KCNC3: variants seen among roughly 807,000 people sequenced by gnomAD.
KCNC3 encodes the protein potassium voltage-gated channel subfamily C member 3.
KCNC3 carries 22 observed loss-of-function variants against 43.9 expected under a neutral mutation model. The observed-to-expected ratio is 0.50, with a 90% CI of 0.36 to 0.72. The LOEUF is 0.72. KCNC3 is among the 30% of genes least tolerant of loss of function. KCNC3 has a pLI of 0.00. For missense variants in KCNC3, 829 were observed against 1,073.8 expected, an observed-to-expected ratio of 0.77 and a Z score of 3.19; for synonymous variants, 492 against 488.0, an observed-to-expected ratio of 1.01 and a Z score of -0.11.
At chr19:50,320,522 C>G in intron 3 of KCNC3, 71 bp downstream of exon 3, 2 of 1,454,626 alleles carry the variant, frequency 1.4e-6, no homozygotes, top group Non-Finnish European at 1.9e-6. Flanking sequence ...CCCCCATCCC[C>G]CTCTCCTCCC....
rs992253889 is a variant in KCNC3, at chr19:50,312,605, C to G, written c.*3510G>C. 1.3e-5 allele frequency: 2 copies of G among 152,196 alleles called. No individual in the cohort carries two copies. The highest frequency in any genetic ancestry group is 4.8e-5 in the African/African-American group (2 of 41,440). The allele number at this position is 152,196 out of a possible 1,614,324, so 9.4% of individuals were successfully genotyped here. A position where few individuals can be genotyped will look rare whatever the true frequency, so the allele number is the denominator to read the frequency against. On this transcript the variant is annotated 3_prime_UTR_variant, in exon 5 of 5. Transcript: ENST00000477616. ...ATGGGGTGGGAGGGGAGGAGAATCA[C>G]GTTTTGTAGAAGTTTATCATGATTG...
At position 50,323,987 on chromosome 19, in the gene KCNC3, C is replaced by T. The variant is rs761084175; in HGVS notation, c.966G>A (p.Thr322=). 1.6e-5 allele frequency: 25 copies of T among 1,612,462 alleles called. No homozygotes were observed. The East Asian group carries it at 1.6e-4, about 10-fold the overall frequency. Residue 322 remains threonine, a synonymous_variant, in exon 2 of 5, where the codon ACG becomes ACA. Transcript: ENST00000477616. ...HEGFIHISNK[T]VTQASPIPGA... Reference sequence around the variant, plus strand: ...CGGGGATCGGGGAGGCCTGGGTCACCGTCTTGTTGCTAATATGGATGAAGC... The same window carrying T: ...CGGGGATCGGGGAGGCCTGGGTCACTGTCTTGTTGCTAATATGGATGAAGC...
At position 50,315,197 on chromosome 19, in the gene KCNC3, CAGATGGACAG is replaced by C. The variant is rs1245998091; in HGVS notation, c.*908_*917del. ...ACACAAAAGGACGGATGACAAGAGA[CAGATGGACAG>C]AGATGGACCAAGGAGATGGAGAGAG... On this transcript the variant is annotated 3_prime_UTR_variant, in exon 5 of 5. Transcript: ENST00000477616. Among the ~76,000 whole-genome samples, 1 of 151,418 alleles carries C rather than the reference CAGATGGACAG, an allele frequency of 6.6e-6. No homozygotes were observed. The highest frequency in any genetic ancestry group is 1.5e-5 in the Non-Finnish European group (1 of 67,932).
In KCNC3 at chr19:50,323,368, G is replaced by A; in HGVS notation, c.1585C>T (p.Leu529=). The change falls in exon 2 of 5, where the codon CTG becomes TTG. Residue 529 remains leucine (L), a synonymous_variant. Coordinates refer to ENST00000477616, the MANE Select transcript of KCNC3 (RefSeq NM_004977.3). ...VGALCALAGV[L]TIAMPVPVIV... is the part of the protein sequence containing the mutation. The stretch of plus-strand genomic sequence containing the variant: ...ACGGGCACAGGCATGGCGATGGTCA[G>A]CACCCCCGCCAGGGCACACAGCGCC... 1 of 1,614,160 alleles carries A rather than the reference G, an allele frequency of 6.2e-7. No individual in the cohort carries two copies. The highest frequency in any genetic ancestry group is 8.5e-7 in the Non-Finnish European group (1 of 1,180,032).
In KCNC3 at chr19:50,323,261, G is replaced by T; in HGVS notation, c.1692C>A (p.Pro564=). 1 of 1,604,730 alleles carries T rather than the reference G, an allele frequency of 6.2e-7. No individual in the cohort carries two copies. Reference sequence around the variant, plus strand: ...TGGGCGAGCCCGGTTGCGGGGGCCGGGGGATGTGTTTGTTCTTCTTCTTGG... The same window carrying T: ...TGGGCGAGCCCGGTTGCGGGGGCCGTGGGATGTGTTTGTTCTTCTTCTTGG... ...KLPKKKNKHI[P]RPPQPGSPNY... Residue 564 remains proline, a synonymous_variant, in exon 2 of 5, where the codon CCC becomes CCA. Coordinates refer to ENST00000477616, the MANE Select transcript of KCNC3 (RefSeq NM_004977.3).
At chr19:50,327,449 G>A (rs1473528819) in intron 1 of KCNC3, among the ~76,000 whole-genome samples, 1 of 152,062 alleles carries the variant, frequency 6.6e-6, no homozygotes, top group Non-Finnish European at 1.5e-5. Flanking sequence ...GTGAGGGGGA[G>A]GTGAAAATGT....
intron 2 of KCNC3, among the ~76,000 whole-genome samples, chr19:50,322,099 G>A (rs1472035655): frequency 6.6e-6 from 1 of 151,986 alleles, no homozygotes; most frequent in Non-Finnish European, 1.5e-5. Flanking sequence ...GGAGCAAGAT[G>A]GGGGCCAAGT....
Position 50,313,370 on chromosome 19 carries a change from C to A in KCNC3, c.*2745G>T, listed in dbSNP as rs1160337164. 3 of 152,358 alleles carry A rather than the reference C, an allele frequency of 2.0e-5. No individual in the cohort carries two copies. The East Asian group carries it at 5.8e-4, about 29-fold the overall frequency. The allele number at this position is 152,358 out of a possible 1,614,324, so 9.4% of individuals were successfully genotyped here. ...TTAACCTAAATAAACCGTGTCCTAG[C>A]CAAGCAGCGATGCCTGCACTTATCG... On this transcript the variant is annotated 3_prime_UTR_variant, in exon 5 of 5. Transcript: ENST00000477616.
intron 1 of KCNC3, among the ~76,000 whole-genome samples, chr19:50,325,697 G>T (rs2037095471): frequency 6.6e-6 from 1 of 152,014 alleles, no homozygotes; most frequent in Non-Finnish European, 1.5e-5. Flanking sequence ...GGCGCTAGCT[G>T]CGGCACCGCA....
upstream of KCNC3, chr19:50,329,748 A>C (rs867082006): frequency 1.3e-5 from 2 of 152,504 alleles, no homozygotes; most frequent in Non-Finnish European, 2.9e-5. Flanking sequence ...CGCAAGGGGG[A>C]CAGGCTGGAC....
intron 1 of KCNC3, among the ~76,000 whole-genome samples, chr19:50,326,606 G>A (rs2037109416): frequency 6.6e-6 from 1 of 152,204 alleles, no homozygotes; most frequent in Non-Finnish European, 1.5e-5. Context: ...AGGAGCCCAG[G>A]AGGGGGTCTT....
chr19:50,333,056 C>T (rs1048745948), upstream of KCNC3, among the ~76,000 whole-genome samples: 3 of 152,328 alleles, frequency 2.0e-5, no homozygotes, highest in East Asian at 5.8e-4. Flanking sequence ...GCCCCGAAAG[C>T]TCAGAGTCGA....
At chr19:50,332,071 A>G (rs1236876244), upstream of KCNC3, among the ~76,000 whole-genome samples, 3 of 152,180 alleles carry the variant, frequency 2.0e-5, no homozygotes, top group African/African-American at 7.2e-5. The surrounding 1 kb of genome is among the most constrained non-coding windows in gnomAD (Gnocchi z 5.8). Context: ...CAGAAAAGAC[A>G]TAGGTACTTC....
chr19:50,325,649 G>T (rs970923133), intron 1 of KCNC3, among the ~76,000 whole-genome samples: 83 of 152,254 alleles, frequency 5.5e-4, no homozygotes, highest in African/African-American at 2.0e-3. Flanking sequence ...TTCGCAGAGC[G>T]CATGCCTAGT....
Position 50,320,276 on chromosome 19 carries a change from G to T in KCNC3, c.2244C>A (p.Asn748Lys). 1.9e-6 allele frequency: 2 copies of T among 1,075,770 alleles called. No homozygotes were observed. The highest frequency in any genetic ancestry group is 2.5e-6 in the Non-Finnish European group (2 of 809,872). The allele number at this position is 1,075,770 out of a possible 1,614,324, so 66.6% of individuals were successfully genotyped here. A position where few individuals can be genotyped will look rare whatever the true frequency, so the allele number is the denominator to read the frequency against. The change falls in exon 4 of 5, where the codon AAC becomes AAA. Residue 748 changes from asparagine (N) to lysine (K), a missense_variant. Around this residue, in one of 7 missense-constraint regions of KCNC3, gnomAD observed 308 missense variants for 276.2 expected, o/e 1.11. Coordinates refer to ENST00000477616, the MANE Select transcript of KCNC3 (RefSeq NM_004977.3). Reference protein sequence around the residue: ...PGPPSFLPDLNANAAAWISP With the variant: ...PGPPSFLPDLKANAAAWISP The stretch of plus-strand genomic sequence containing the variant: ...GGGATATCCAGGCCGCGGCGTTGGC[G>T]TTGAGGTCGGGCAAGAAGCTTGGGG...
chr19:50,330,332 A>G (rs116762899), upstream of KCNC3, among the ~76,000 whole-genome samples: 2,395 of 152,170 alleles, frequency 0.016, 63 homozygotes, highest in African/African-American at 0.055. Flanking sequence ...GAGACTAAGG[A>G]AGGAGCGGGG....
upstream of KCNC3, among the ~76,000 whole-genome samples, chr19:50,330,067 G>A (rs908405110): frequency 2.0e-5 from 3 of 152,144 alleles, no homozygotes; most frequent in African/African-American, 7.2e-5. Context: ...AGGAGTTCGA[G>A]ACCAGCCCGG....
At chr19:50,328,099 G>C in intron 1 of KCNC3, 114 bp downstream of exon 1, 1 of 727,724 alleles carries the variant, frequency 1.4e-6, no homozygotes, top group Non-Finnish European at 1.7e-6. Flanking sequence ...AGGCTTCTAG[G>C]AGACTGAGAA....
rs973213871 is a variant in KCNC3, at chr19:50,313,753, A to C, written c.*2362T>G. 6.6e-6 allele frequency: 1 copy of C among 152,062 alleles called. No homozygotes were observed. The highest frequency in any genetic ancestry group is 1.5e-5 in the Non-Finnish European group (1 of 68,100). 9.4% of individuals were successfully genotyped at this position (152,062 alleles called of 1,614,324 possible). ...TGTCCAAGAAATGTCAGTTGTGGGA[A>C]GGATTTGGAGCATCCCAAAGGCTGA... On this transcript the variant is annotated 3_prime_UTR_variant, in exon 5 of 5. Coordinates refer to ENST00000477616, the MANE Select transcript of KCNC3 (RefSeq NM_004977.3).
Sources: gnomAD v4.1 joint callset for allele counts (sites outside exome capture counted in the v4.1 genomes callset) on GRCh38, gnomAD v4.1.1 for gene constraint, gnomAD v4.1.1 regional missense constraint, Gnocchi (gnomAD v3.1) non-coding constraint, MANE v1.5 for transcripts, NCBI Gene and HGNC (gene_info 2026-07-23, HGNC 2026-07-21) for gene names.